MALRD1: variants seen among roughly 807,000 people sequenced by gnomAD.
MALRD1 encodes the protein MAM and LDL-receptor class A domain-containing protein 1.
Under a neutral mutation model 242.1 loss-of-function variants are expected in MALRD1, and 247 were observed. That is an observed-to-expected ratio of 1.02 (90% CI 0.92 to 1.13). The LOEUF (loss-of-function observed/expected upper bound fraction) is 1.13. Among genes scored for constraint, MALRD1 ranks in the 50% most tolerant of loss-of-function variants. The pLI is 0.00. For synonymous variants in MALRD1, 995 were observed against 866.6 expected, an observed-to-expected ratio of 1.15 and a Z score of -2.60; for missense variants, 2,989 against 2,533.1, an observed-to-expected ratio of 1.18 and a Z score of -3.86.
intron 32 of MALRD1, among the ~76,000 whole-genome samples, chr10:19,562,304 GA>G (rs1836007224): frequency 1.7e-5 from 2 of 120,696 alleles, no homozygotes; most frequent in African/African-American, 4.6e-5. Context: ...TAGGTAGATA[GA>G]TAGATAGATA....
At chr10:19,725,513 A>G (rs1229373403) in intron 38 of MALRD1, among the ~76,000 whole-genome samples, 1 of 152,242 alleles carries the variant, frequency 6.6e-6, no homozygotes, top group African/African-American at 2.4e-5. Context: ...TCTTCACAGC[A>G]GCATGAGAAC....
chr10:19,140,549 GT>G (rs1833503694), intron 10 of MALRD1, among the ~76,000 whole-genome samples: 1 of 149,880 alleles, frequency 6.7e-6, no homozygotes, highest in Non-Finnish European at 1.5e-5. Context: ...GTGTATGTGT[GT>G]GTGTGTGTGT....
At chr10:19,060,216 C>G (rs762327943) in intron 1 of MALRD1, among the ~76,000 whole-genome samples, 8 of 152,106 alleles carry the variant, frequency 5.3e-5, no homozygotes, top group Non-Finnish European at 7.4e-5. Context: ...TGGTGTTGAG[C>G]CTTCTGCCCC....
At chr10:19,468,242 T>C (rs1836321001) in intron 29 of MALRD1, among the ~76,000 whole-genome samples, 1 of 152,238 alleles carries the variant, frequency 6.6e-6, no homozygotes, top group South Asian at 2.1e-4. Context: ...ATTAGGTGAT[T>C]ATCCTGATTA....
At position 19,127,370 on chromosome 10, in the gene MALRD1, T is replaced by C. The variant is rs1047580162; in HGVS notation, c.944-851T>C. Among the ~76,000 whole-genome samples, 5 of 152,356 alleles carry C rather than the reference T, an allele frequency of 3.3e-5. 1 individual carries two copies. Among genetic ancestry groups the C allele is most frequent in the African/African-American group, 1.2e-4 (5 of 41,588 alleles). Reference sequence around the variant, plus strand: ...AGTGTAAGCTTTTACATTACGTTTATGCAGTTAAGGATCATATTATGCTTA... The same window carrying C: ...AGTGTAAGCTTTTACATTACGTTTACGCAGTTAAGGATCATATTATGCTTA... On this transcript the variant is annotated intron_variant, in intron 7 of 39. Coordinates refer to ENST00000454679, the MANE Select transcript of MALRD1 (RefSeq NM_001142308.3).
chr10:19,528,636 A>AT (rs1310488948), intron 31 of MALRD1, among the ~76,000 whole-genome samples: 2 of 152,124 alleles, frequency 1.3e-5, no homozygotes, highest in African/African-American at 4.8e-5. Context: ...AAATTTTCTT[A>AT]TTTTGGCAGC....
rs762731586 is a variant in MALRD1, at chr10:19,126,715, T to A, written c.944-1506T>A. On this transcript the variant is annotated intron_variant, in intron 7 of 39. Coordinates refer to ENST00000454679, the MANE Select transcript of MALRD1 (RefSeq NM_001142308.3). ...CTGTGCAGATTATTATTTTTTATTT[T>A]TTTTTATTTTTTGGGGGTAGCAGTA... Among the ~76,000 whole-genome samples, 80 of 152,190 alleles carry A rather than the reference T, an allele frequency of 5.3e-4. 1 individual carries two copies. Among genetic ancestry groups the A allele is most frequent in the Middle Eastern group, 3.4e-3 (1 of 294 alleles).
chr10:19,137,429 C>A (rs1007979929), intron 10 of MALRD1, among the ~76,000 whole-genome samples: 2 of 151,682 alleles, frequency 1.3e-5, no homozygotes, highest in African/African-American at 4.8e-5. Context: ...CATAGTGAAA[C>A]CCCCGTCTCT....
At chr10:19,274,253 A>C (rs1303578341) in intron 19 of MALRD1, among the ~76,000 whole-genome samples, 2 of 152,218 alleles carry the variant, frequency 1.3e-5, no homozygotes, top group African/African-American at 4.8e-5. Flanking sequence ...TTGGATAAAG[A>C]AAATGTGGTA....
chr10:19,383,351 C>A (rs1019299894), intron 26 of MALRD1, among the ~76,000 whole-genome samples: 1 of 152,118 alleles, frequency 6.6e-6, no homozygotes, highest in African/African-American at 2.4e-5. Flanking sequence ...TGGCCTCCAG[C>A]TCCACCCATG....
intron 4 of MALRD1, among the ~76,000 whole-genome samples, chr10:19,099,339 A>G (rs1381970251): frequency 1.3e-5 from 2 of 152,182 alleles, no homozygotes; most frequent in South Asian, 2.1e-4. Flanking sequence ...TAGCTCCTGT[A>G]TCAATGCCAT....
At chr10:19,445,666 T>C (rs1002514755) in intron 28 of MALRD1, among the ~76,000 whole-genome samples, 16 of 152,194 alleles carry the variant, frequency 1.1e-4, no homozygotes, top group African/African-American at 3.4e-4. Flanking sequence ...TCCTCTGGAA[T>C]CTTTGTCTCA....
intron 33 of MALRD1, among the ~76,000 whole-genome samples, chr10:19,582,049 G>T (rs1359829172): frequency 6.6e-6 from 1 of 152,044 alleles, no homozygotes; most frequent in Non-Finnish European, 1.5e-5. Flanking sequence ...CATGTCCTTT[G>T]CCCACTTTTT....
rs574871775 is a variant in MALRD1 at position 19,277,825 on chromosome 10, T to C, written c.3080-2222T>C. 2.0e-5 allele frequency among the ~76,000 whole-genome samples: 3 copies of C among 152,328 alleles called. No homozygotes were observed. The South Asian group carries it at 6.2e-4, about 32-fold the overall frequency. ...TTCCCAACAGCATGTAAATCCCCAG[T>C]CCTCCAGATACTGGACATTTAATAT... On this transcript the variant is annotated intron_variant, in intron 19 of 39. Transcript: ENST00000454679.
At chr10:19,478,235 T>C (rs1332722845) in intron 29 of MALRD1, among the ~76,000 whole-genome samples, 2 of 152,226 alleles carry the variant, frequency 1.3e-5, no homozygotes, top group Non-Finnish European at 2.9e-5. Flanking sequence ...ATGCAAATCC[T>C]AAGCAAAAGC....
intron 38 of MALRD1, among the ~76,000 whole-genome samples, chr10:19,699,010 G>A (rs1267348700): frequency 6.6e-6 from 1 of 152,080 alleles, no homozygotes. Flanking sequence ...CATGGACACA[G>A]GGAGGGGATA....
chr10:19,727,083 CA>C (rs1165120488), intron 38 of MALRD1, among the ~76,000 whole-genome samples: 8 of 151,978 alleles, frequency 5.3e-5, no homozygotes, highest in African/African-American at 1.7e-4. Flanking sequence ...GTTAAAATGG[CA>C]AATTTTATGT....
chr10:19,146,147 C>A, intron 10 of MALRD1, 51 bp from the exon 11 acceptor site: 3 of 1,218,086 alleles, frequency 2.5e-6, no homozygotes, highest in Non-Finnish European at 2.0e-6. Flanking sequence ...GCAGTGTTTG[C>A]CTGCATGCTC....
At chr10:19,380,966 A>C (rs917887175) in intron 26 of MALRD1, among the ~76,000 whole-genome samples, 5 of 151,184 alleles carry the variant, frequency 3.3e-5, no homozygotes, top group African/African-American at 9.8e-5. Context: ...TGTGCAGGTT[A>C]GTTACATATG....
Sources: gnomAD v4.1 joint callset for allele counts (sites outside exome capture counted in the v4.1 genomes callset) on GRCh38, gnomAD v4.1.1 for gene constraint, MANE v1.5 for transcripts, NCBI Gene and HGNC (gene_info 2026-07-23, HGNC 2026-07-21) for gene names.